The following CRYBG3 variants were observed in gnomAD, a reference collection of about 807,000 sequenced individuals.
CRYBG3 encodes the protein very large A-kinase anchor protein.
CRYBG3 carries 127 observed loss-of-function variants against 244.2 expected under a neutral mutation model. The observed-to-expected ratio is 0.52, with a 90% CI of 0.45 to 0.60. CRYBG3 has a LOEUF of 0.60. CRYBG3 is among the 20% of genes least tolerant of loss of function. The probability of loss-of-function intolerance (pLI) is 0.00; values close to 1 mark genes in which losing one functional copy is unlikely to be tolerated. For missense variants in CRYBG3, 3,325 were observed against 3,442.5 expected, an observed-to-expected ratio of 0.97 and a Z score of 0.85; for synonymous variants, 1,132 against 1,195.8, an observed-to-expected ratio of 0.95 and a Z score of 1.10.
intron 8 of CRYBG3, among the ~76,000 whole-genome samples, chr3:97,887,596 A>C (rs1240056927): frequency 6.6e-6 from 1 of 152,150 alleles, no homozygotes; most frequent in Non-Finnish European, 1.5e-5. Context: ...TACTAAAAAA[A>C]TACAAAAAAA....
chr3:97,926,703 A>C (rs59313286), intron 17 of CRYBG3, among the ~76,000 whole-genome samples: 3 of 152,092 alleles, frequency 2.0e-5, no homozygotes, highest in Non-Finnish European at 2.9e-5. Context: ...CCTAGATTTG[A>C]TAATTAACTT....
chr3:97,828,933 G>C lies in CRYBG3; in HGVS notation c.149+6578G>C, dbSNP rs190699738. Among the ~76,000 whole-genome samples the C allele has an allele frequency of 3.6e-4, 55 of 152,110 alleles. 1 individual carries two copies. Among genetic ancestry groups the C allele is most frequent in the Non-Finnish European group, 6.8e-4 (46 of 67,988 alleles). ...CCCATTTGTATATACAAAAGAAGGG[G>C]ATATGAAATAAATCTGTCACTAGTG... On this transcript the variant is annotated intron_variant, in intron 1 of 21. Transcript: ENST00000389622.
chr3:97,854,155 C>T (rs1178196866), intron 2 of CRYBG3, among the ~76,000 whole-genome samples: 1 of 152,100 alleles, frequency 6.6e-6, no homozygotes, highest in African/African-American at 2.4e-5. Flanking sequence ...TTTCTGGGTT[C>T]TCTATTCTGT....
chr3:97,851,308 T>C (rs1296876023), intron 2 of CRYBG3, among the ~76,000 whole-genome samples: 1 of 152,172 alleles, frequency 6.6e-6, no homozygotes, highest in Admixed American at 6.5e-5. Context: ...AGTAGAACAT[T>C]AACTAGAATT....
intron 1 of CRYBG3, among the ~76,000 whole-genome samples, chr3:97,842,514 C>T (rs905931580): frequency 1.3e-5 from 2 of 151,568 alleles, no homozygotes; most frequent in Non-Finnish European, 2.9e-5. Context: ...ATGATTGCAC[C>T]ACTGCACTCC....
chr3:97,826,553 T>C (rs2038579957), intron 1 of CRYBG3, among the ~76,000 whole-genome samples: 1 of 152,224 alleles, frequency 6.6e-6, no homozygotes, highest in Non-Finnish European at 1.5e-5. Flanking sequence ...GAAACGTTAG[T>C]TACCAATTAT....
chr3:97,896,532 GT>G (rs2039641933), intron 12 of CRYBG3, among the ~76,000 whole-genome samples: 2 of 152,174 alleles, frequency 1.3e-5, no homozygotes, highest in Non-Finnish European at 2.9e-5. Context: ...GAAATTTCAA[GT>G]TCAAAAAAGA....
At chr3:97,929,658 G>A (rs1337501635) in intron 17 of CRYBG3, among the ~76,000 whole-genome samples, 2 of 151,918 alleles carry the variant, frequency 1.3e-5, no homozygotes, top group Non-Finnish European at 2.9e-5. Flanking sequence ...TTTATGAGAG[G>A]TGGGATATTT....
intron 19 of CRYBG3, among the ~76,000 whole-genome samples, chr3:97,938,730 G>C (rs2107106650): frequency 6.6e-6 from 1 of 152,054 alleles, no homozygotes; most frequent in South Asian, 2.1e-4. Flanking sequence ...ATAAGATAAT[G>C]TATATGAACA....
rs868855358 is a variant in CRYBG3, at chr3:97,896,064, G to A, written c.7680G>A (p.Leu2560=). The change falls in exon 12 of 22, where the codon TTG becomes TTA. Residue 2560 remains leucine, a synonymous_variant. Coordinates refer to ENST00000389622, the MANE Select transcript of CRYBG3 (RefSeq NM_153605.4). ...GTGGTGCATTAAGTAGCCCTATCTT[G>A]TCTTTCCGGTACTTACAAGCTGTGA... is the stretch of plus-strand genomic sequence containing the variant. ...NACGALSSPI[L]SFRYLQANFI... is the part of the protein sequence containing the mutation. 6.2e-7 allele frequency: 1 copy of A among 1,611,544 alleles called. No individual in the cohort carries two copies. Among genetic ancestry groups the A allele is most frequent in the Non-Finnish European group, 8.5e-7 (1 of 1,178,794 alleles).
intron 15 of CRYBG3, among the ~76,000 whole-genome samples, chr3:97,905,194 C>A (rs1281318802): frequency 6.6e-6 from 1 of 151,920 alleles, no homozygotes; most frequent in Admixed American, 6.6e-5. Context: ...AATAATGCCG[C>A]AATAAATATA....
intron 2 of CRYBG3, among the ~76,000 whole-genome samples, chr3:97,855,512 G>A (rs992695547): frequency 2.6e-5 from 4 of 151,996 alleles, no homozygotes; most frequent in African/African-American, 9.7e-5. Flanking sequence ...TTCAACCTTG[G>A]TACTAGTTAT....
intron 18 of CRYBG3, among the ~76,000 whole-genome samples, chr3:97,935,344 C>G (rs1332832700): frequency 1.3e-5 from 2 of 152,036 alleles, no homozygotes; most frequent in African/African-American, 4.8e-5. Flanking sequence ...CTAAGCCTGT[C>G]CGTGGTCATG....
At chr3:97,860,418 C>T (rs960365746) in intron 2 of CRYBG3, among the ~76,000 whole-genome samples, 11 of 152,044 alleles carry the variant, frequency 7.2e-5, no homozygotes, top group South Asian at 2.1e-4. Flanking sequence ...AAACAGAAAG[C>T]GGTTAGGCAG....
chr3:97,884,875 G>T (rs1279442332), intron 7 of CRYBG3, among the ~76,000 whole-genome samples: 6 of 152,046 alleles, frequency 3.9e-5, no homozygotes, highest in Non-Finnish European at 4.4e-5. Flanking sequence ...TTCCATCTGT[G>T]TTGTTGTAGA....
intron 15 of CRYBG3, among the ~76,000 whole-genome samples, chr3:97,910,295 T>C (rs1005890773): frequency 6.6e-6 from 1 of 152,222 alleles, no homozygotes; most frequent in Non-Finnish European, 1.5e-5. Context: ...GCTTCCTGGC[T>C]GCTTTGTTTA....
chr3:97,934,076 C>T (rs1162473039), intron 18 of CRYBG3, among the ~76,000 whole-genome samples: 1 of 152,066 alleles, frequency 6.6e-6, no homozygotes, highest in African/African-American at 2.4e-5. Context: ...TTGGTTAAGA[C>T]AATTTCCTGC....
At position 97,890,740 on chromosome 3, in the gene CRYBG3, T is replaced by G. The variant is rs1205760046; in HGVS notation, c.7440+1350T>G. Reference sequence around the variant, plus strand: ...GATTTAGTGTTTTTAAGCATGGGGTTTATTTGGCAAGATATTGAGTTGACA... The same window carrying G: ...GATTTAGTGTTTTTAAGCATGGGGTGTATTTGGCAAGATATTGAGTTGACA... On this transcript the variant is annotated intron_variant, in intron 10 of 21. Transcript: ENST00000389622. 2.6e-5 allele frequency among the ~76,000 whole-genome samples: 4 copies of G among 152,166 alleles called. No individual in the cohort carries two copies. In the East Asian group the frequency reaches 7.7e-4, roughly 29 times the overall value.
intron 15 of CRYBG3, among the ~76,000 whole-genome samples, chr3:97,905,191 C>T (rs1313271733): frequency 6.6e-6 from 1 of 151,954 alleles, no homozygotes; most frequent in Non-Finnish European, 1.5e-5. Context: ...GTGAATAATG[C>T]CGCAATAAAT....
Sources: allele counts gnomAD v4.1 joint callset (sites outside exome capture counted in the v4.1 genomes callset), GRCh38; gene constraint gnomAD v4.1.1; transcripts MANE v1.5; gene names NCBI Gene and HGNC (gene_info 2026-07-23, HGNC 2026-07-21).